Variants in PCNX2 observed in about 807,000 individuals in gnomAD.
PCNX2 encodes the protein pecanex 2.
In PCNX2, 168 loss-of-function variants were observed where a neutral mutation model predicts 223.8. The observed-to-expected ratio is 0.75, with a 90% confidence interval of 0.66 to 0.85. The LOEUF is 0.85. PCNX2 is among the 40% of genes least tolerant of loss of function. The pLI is 0.00. For synonymous variants in PCNX2, 1,006 were observed against 1,052.6 expected (o/e 0.96, Z 0.86); for missense variants, 2,507 against 2,675.5 (o/e 0.94, Z 1.39).
At chr1:233,211,704 A>T (rs1681827488) in intron 12 of PCNX2, 15 of 914,092 alleles carry the variant, frequency 1.6e-5, no homozygotes, top group Non-Finnish European at 2.0e-5. Flanking sequence ...TCTACCAACC[A>T]TGGGGAGGCA....
chr1:233,259,408 C>T, intron 4 of PCNX2, 64 bp from the exon 5 acceptor site: 1 of 1,473,840 alleles, frequency 6.8e-7, no homozygotes, highest in Non-Finnish European at 9.0e-7. Flanking sequence ...AAGAGCAAGA[C>T]CTAATGAATA....
At chr1:233,107,241 T>G (rs752409190) in intron 21 of PCNX2, among the ~76,000 whole-genome samples, 1 of 151,780 alleles carries the variant, frequency 6.6e-6, no homozygotes, top group African/African-American at 2.4e-5. Flanking sequence ...TTTATGTAAC[T>G]TGAATTAACA....
intron 1 of PCNX2, among the ~76,000 whole-genome samples, chr1:233,280,092 C>T (rs1358899646): frequency 6.6e-6 from 1 of 152,024 alleles, no homozygotes; most frequent in Non-Finnish European, 1.5e-5. Flanking sequence ...GATCCCTCTA[C>T]AGCAGTCTAT....
chr1:233,266,865 T>G (rs146338587), intron 1 of PCNX2, among the ~76,000 whole-genome samples: 1,552 of 152,306 alleles, frequency 0.01, 14 homozygotes, highest in South Asian at 0.028. Flanking sequence ...AATGACTCAT[T>G]TGACCAAGGT....
chr1:233,234,385 C>T (rs1466597080), intron 9 of PCNX2, among the ~76,000 whole-genome samples: 1 of 151,984 alleles, frequency 6.6e-6, no homozygotes, highest in Admixed American at 6.6e-5. Context: ...TCCTCCATAC[C>T]CATATATATT....
intron 21 of PCNX2, among the ~76,000 whole-genome samples, chr1:233,132,141 T>C (rs1035850793): frequency 6.6e-6 from 1 of 152,136 alleles, no homozygotes; most frequent in Non-Finnish European, 1.5e-5. Context: ...GGTTTCACCA[T>C]GTTGGTCAGG....
chr1:233,118,793 T>C (rs1273180625), intron 21 of PCNX2, among the ~76,000 whole-genome samples: 1 of 152,186 alleles, frequency 6.6e-6, no homozygotes, highest in African/African-American at 2.4e-5. Flanking sequence ...TAAACTGATA[T>C]AGAAGCTTAC....
intron 25 of PCNX2, chr1:233,033,160 G>A (rs758844666): frequency 1.0e-5 from 10 of 985,242 alleles, no homozygotes; most frequent in Non-Finnish European, 1.2e-5. Flanking sequence ...ACTGACTCTT[G>A]GCACCTTTAA....
chr1:233,090,056 C>A lies in PCNX2; in HGVS notation c.4076+5G>T. 1 of 1,613,596 alleles carries A rather than the reference C, an allele frequency of 6.2e-7. No homozygotes were observed. Among genetic ancestry groups the A allele is most frequent in the Non-Finnish European group, 8.5e-7 (1 of 1,179,788 alleles). The stretch of plus-strand genomic sequence containing the variant: ...AGCAATTGAGCACTGATTTTAGGAT[C>A]TTACTTGTAGTTTTTCTCCCAGAAT... On this transcript the variant is annotated splice_donor_5th_base_variant and intron_variant, in intron 23 of 33. Coordinates refer to ENST00000258229, the MANE Select transcript of PCNX2 (RefSeq NM_014801.4).
At chr1:233,161,960 T>TATATATATA (rs1553303707) in intron 17 of PCNX2, among the ~76,000 whole-genome samples, 1 of 147,546 alleles carries the variant, frequency 6.8e-6, no homozygotes, top group African/African-American at 2.5e-5. Flanking sequence ...AAATTATTTT[T>TATATATATA]TATATATATA....
intron 26 of PCNX2, chr1:233,019,252 C>T (rs1316093412): frequency 2.1e-6 from 2 of 952,622 alleles, no homozygotes; most frequent in African/African-American, 3.5e-5. Context: ...TTTGGACACA[C>T]CTTCTATTAC....
intron 21 of PCNX2, among the ~76,000 whole-genome samples, chr1:233,116,730 A>G (rs1000005011): frequency 1.3e-5 from 2 of 152,090 alleles, no homozygotes; most frequent in Non-Finnish European, 2.9e-5. Flanking sequence ...ACAACATCCC[A>G]CCTCAAGAGC....
chr1:233,261,108 A>G (rs1660016923), intron 4 of PCNX2, among the ~76,000 whole-genome samples, 177 bp downstream of exon 4: 1 of 152,222 alleles, frequency 6.6e-6, no homozygotes, highest in African/African-American at 2.4e-5. Flanking sequence ...TTGATATACA[A>G]ATACCGATGA....
intron 28 of PCNX2, among the ~76,000 whole-genome samples, chr1:233,013,259 G>T (rs147711433): frequency 6.6e-6 from 1 of 152,330 alleles, no homozygotes; most frequent in African/African-American, 2.4e-5. Flanking sequence ...GGAGTTGAAA[G>T]AGTAGTTGAT....
At chr1:233,199,289 G>A (rs1270462610) in intron 14 of PCNX2, among the ~76,000 whole-genome samples, 6 of 152,168 alleles carry the variant, frequency 3.9e-5, no homozygotes, top group Admixed American at 3.9e-4. Context: ...GAATGTGTCA[G>A]AATGAAGGTA....
chr1:233,278,750 G>C (rs1304935496), intron 1 of PCNX2, among the ~76,000 whole-genome samples: 3 of 152,194 alleles, frequency 2.0e-5, no homozygotes, highest in Non-Finnish European at 4.4e-5. Context: ...TTGGAGGCCT[G>C]TGAGCAAGTC....
At chr1:233,326,420 G>T in the PCNX2 span, among the ~76,000 whole-genome samples, 1 of 152,164 alleles carries the variant, frequency 6.6e-6, no homozygotes, top group East Asian at 1.9e-4. Context: ...TTGACCAGCT[G>T]TTGGTTGATT....
chr1:233,170,567 A>C (rs1298718895), intron 17 of PCNX2, among the ~76,000 whole-genome samples: 1 of 152,208 alleles, frequency 6.6e-6, no homozygotes, highest in African/African-American at 2.4e-5. Flanking sequence ...ATTTAAAATA[A>C]TAAATCAAAG....
chr1:233,252,396 C>G lies in PCNX2; in HGVS notation c.2086G>C (p.Glu696Gln). 1 of 1,613,702 alleles carries G rather than the reference C, an allele frequency of 6.2e-7. No individual in the cohort carries two copies. Among genetic ancestry groups the G allele is most frequent in the Non-Finnish European group, 8.5e-7 (1 of 1,179,640 alleles). ...ACATGCATAGCATCCACAGATATCT[C>G]TTCTTGTACAGATGTTTCAGGCCCA... The part of the protein sequence containing the change: ...ISGPETSVQE[E>Q]ISVDAMHVFI... Residue 696 changes from glutamate to glutamine, a missense_variant, in exon 7 of 34, where the codon GAG becomes CAG. Physicochemically the swap from Glu to Gln is conservative, Grantham distance 29. Transcript: ENST00000258229.
Sources: allele counts gnomAD v4.1 joint callset (sites outside exome capture counted in the v4.1 genomes callset), GRCh38; gene constraint gnomAD v4.1.1; transcripts MANE v1.5; gene names NCBI Gene and HGNC (gene_info 2026-07-23, HGNC 2026-07-21).